The following SCARB2 variants were observed in gnomAD, a reference collection of about 807,000 sequenced individuals.
SCARB2 encodes the protein scavenger receptor class B member 2, also known as lysosome membrane protein 2.
SCARB2 carries 29 observed loss-of-function variants against 58.6 expected under a neutral mutation model. That is an observed-to-expected ratio of 0.49 (90% CI 0.37 to 0.67). SCARB2 has a LOEUF of 0.67. SCARB2 is among the 30% of genes least tolerant of loss of function. SCARB2 has a pLI of 0.00. For synonymous variants in SCARB2, 195 were observed against 210.1 expected, an observed-to-expected ratio of 0.93 and a Z score of 0.62; for missense variants, 488 against 578.5, an observed-to-expected ratio of 0.84 and a Z score of 1.60.
intron 1 of SCARB2, among the ~76,000 whole-genome samples, chr4:76,206,822 G>A (rs907389155): frequency 2.0e-5 from 3 of 151,778 alleles, no homozygotes; most frequent in African/African-American, 4.8e-5. Flanking sequence ...ATCAGCACTC[G>A]GGGAAAGACA....
At chr4:76,192,810 C>G (rs1008246682) in intron 2 of SCARB2, 1 of 152,216 alleles carries the variant, frequency 6.6e-6, no homozygotes, top group African/African-American at 2.4e-5. Context: ...CATGATCATG[C>G]CACCGCACTC....
chr4:76,163,125 T>C (rs1226292212), intron 11 of SCARB2, 100 bp downstream of exon 11: 6 of 1,481,766 alleles, frequency 4.0e-6, no homozygotes, highest in Non-Finnish European at 5.6e-6. Context: ...ATCCCAGAAT[T>C]TATCCTAATA....
At chr4:76,220,837 A>G (rs1218806623) in intron 1 of SCARB2, among the ~76,000 whole-genome samples, 1 of 152,238 alleles carries the variant, frequency 6.6e-6, no homozygotes, top group African/African-American at 2.4e-5. Context: ...TTTCTGTTAC[A>G]TAAGAAGCAA....
upstream of SCARB2, among the ~76,000 whole-genome samples, chr4:76,214,982 G>A (rs1165487839): frequency 6.6e-6 from 1 of 152,236 alleles, no homozygotes; most frequent in Non-Finnish European, 1.5e-5. Context: ...AAAAAGTTCA[G>A]CAAGGCCATT....
intron 2 of SCARB2, 65 bp downstream of exon 2, chr4:76,195,642 A>G: frequency 1.4e-6 from 2 of 1,419,502 alleles, no homozygotes; most frequent in Admixed American, 1.7e-5. Context: ...GGGAAGAGGC[A>G]AGGACTCAGG....
chr4:76,202,126 C>A (rs1333320951), intron 1 of SCARB2, among the ~76,000 whole-genome samples: 1 of 152,144 alleles, frequency 6.6e-6, no homozygotes, highest in Non-Finnish European at 1.5e-5. Flanking sequence ...ACAGAAATTT[C>A]TATATTCATA....
chr4:76,174,454 T>G (rs1732205224), intron 6 of SCARB2, 141 bp from the exon 7 acceptor site: 1 of 724,978 alleles, frequency 1.4e-6, no homozygotes, highest in Non-Finnish European at 2.4e-6. Context: ...TGGAAGGCAT[T>G]CTGTCAACTC....
At chr4:76,196,897 T>C (rs540409927) in intron 1 of SCARB2, among the ~76,000 whole-genome samples, 117 of 152,288 alleles carry the variant, frequency 7.7e-4, no homozygotes, top group African/African-American at 2.7e-3. Context: ...TACCTCACAA[T>C]GTGCCTGTAT....
At chr4:76,211,290 C>A (rs1230925547) in intron 1 of SCARB2, among the ~76,000 whole-genome samples, 1 of 152,232 alleles carries the variant, frequency 6.6e-6, no homozygotes, top group African/African-American at 2.4e-5. Flanking sequence ...GTAAATGCAT[C>A]ACTGTGCCCA....
At chr4:76,173,489 C>A (rs1578718958) in intron 7 of SCARB2, 1 of 154,768 alleles carries the variant, frequency 6.5e-6, no homozygotes, top group East Asian at 1.9e-4. Context: ...TGCCGCCACA[C>A]CCAGCTAATT....
chr4:76,181,109 A>T lies in SCARB2; in HGVS notation c.276-8T>A, dbSNP rs1251311553. ...GCTTTGTTTCTGAGTTCCCTAAAAG[A>T]AAGAAAAGGGTTTTATTTGAAAATA... On this transcript the variant is annotated splice_region_variant and splice_polypyrimidine_tract_variant and intron_variant, in intron 2 of 11. Transcript: ENST00000264896. 1 of 1,612,998 alleles carries T rather than the reference A, an allele frequency of 6.2e-7. No homozygotes were observed. Among genetic ancestry groups the T allele is most frequent in the Non-Finnish European group, 8.5e-7 (1 of 1,179,580 alleles).
At chr4:76,214,119 A>T (rs937513408), upstream of SCARB2, 1 of 415,026 alleles carries the variant, frequency 2.4e-6, no homozygotes, top group African/African-American at 2.1e-5. Context: ...CTCATTCCGC[A>T]GATAGGTCTG....
chr4:76,230,938 T>C (rs1733483137), intron 1 of SCARB2, among the ~76,000 whole-genome samples: 1 of 152,222 alleles, frequency 6.6e-6, no homozygotes, highest in Non-Finnish European at 1.5e-5. Context: ...TCACCTGTGC[T>C]GTGCCTTTTA....
chr4:76,169,211 G>GTT (rs374768153), intron 8 of SCARB2, among the ~76,000 whole-genome samples: 1 of 144,154 alleles, frequency 6.9e-6, no homozygotes, highest in African/African-American at 2.5e-5. Flanking sequence ...GAATGTTCTT[G>GTT]TTTTTTTTTT....
intron 2 of SCARB2, among the ~76,000 whole-genome samples, chr4:76,187,414 A>C (rs1319136569): frequency 1.3e-5 from 2 of 152,340 alleles, no homozygotes; most frequent in African/African-American, 4.8e-5. Flanking sequence ...GCTGGCAAAC[A>C]TGAGGAGAAC....
chr4:76,204,465 T>C (rs1388300564), intron 1 of SCARB2, among the ~76,000 whole-genome samples: 1 of 152,192 alleles, frequency 6.6e-6, no homozygotes, highest in East Asian at 1.9e-4. Context: ...CAGGACAATA[T>C]GGTGGAATGA....
intron 7 of SCARB2, chr4:76,173,494 C>T (rs1031899723): frequency 6.5e-6 from 1 of 154,424 alleles, no homozygotes; most frequent in African/African-American, 2.4e-5. Flanking sequence ...CCACACCCAG[C>T]TAATTTTTTA....
intron 1 of SCARB2, among the ~76,000 whole-genome samples, chr4:76,233,712 C>T (rs11097297): frequency 0.36 from 54,847 of 151,840 alleles, 10,791 homozygotes; most frequent in East Asian, 0.8. Context: ...CATCCAGATA[C>T]CAACCACAGC....
At chr4:76,179,962 A>G (rs551613764) in intron 3 of SCARB2, 100 of 517,886 alleles carry the variant, frequency 1.9e-4, no homozygotes, top group Middle Eastern at 5.4e-4. Context: ...TTATCCAGAC[A>G]CCACAAAAGG....
Sources: allele counts gnomAD v4.1 joint callset (sites outside exome capture counted in the v4.1 genomes callset), GRCh38; gene constraint gnomAD v4.1.1; transcripts MANE v1.5; gene names NCBI Gene and HGNC (gene_info 2026-07-23, HGNC 2026-07-21).